The following FBXO9 variants were observed in gnomAD, a reference collection of about 807,000 sequenced individuals.
FBXO9 encodes the protein F-box protein 9.
Under a neutral mutation model 63.7 loss-of-function variants are expected in FBXO9, and 43 were observed. The observed-to-expected ratio is 0.67, with a 90% CI of 0.53 to 0.87. FBXO9 has a LOEUF of 0.87. Among genes scored for constraint, FBXO9 ranks in the 40% least tolerant of loss-of-function variants. The probability of loss-of-function intolerance (pLI) is 0.00; values close to 1 mark genes in which losing one functional copy is unlikely to be tolerated. For synonymous variants in FBXO9, 156 were observed against 171.7 expected (o/e 0.91, Z 0.72); for missense variants, 442 against 533.2 (o/e 0.83, Z 1.68).
chr6:53,089,428 T>G (rs1455840902), intron 7 of FBXO9, among the ~76,000 whole-genome samples: 1 of 152,168 alleles, frequency 6.6e-6, no homozygotes, highest in African/African-American at 2.4e-5. Flanking sequence ...GAATCTTTAT[T>G]TTTGCTTATG....
rs1562074207 is a variant in FBXO9 at position 53,092,539 on chromosome 6, G to A, written c.764G>A (p.Arg255Gln). ...ATGTTTTTAGAACGGCCTCGTGTTCGGTTTGATGGTAAGTTGGATTCTGTA... is the reference window on the plus strand; with the variant it reads ...ATGTTTTTAGAACGGCCTCGTGTTCAGTTTGATGGTAAGTTGGATTCTGTA... ...REMFLERPRV[R>Q]FDGVYISKTT... Residue 255 changes from arginine to glutamine, a missense_variant, in exon 8 of 13, where the codon CGG becomes CAG. By Grantham distance (43) the Arg-to-Gln change is conservative (BLOSUM62 1). Transcript: ENST00000323557. The A allele has an allele frequency of 1.2e-6, 2 of 1,612,162 alleles. No homozygotes were observed. Among genetic ancestry groups the A allele is most frequent in the Admixed American group, 1.7e-5 (1 of 59,982 alleles).
intron 12 of FBXO9, among the ~76,000 whole-genome samples, chr6:53,096,361 T>C (rs1763209924): frequency 1.3e-5 from 2 of 152,206 alleles, no homozygotes; most frequent in Non-Finnish European, 2.9e-5. Context: ...GACTGAAGGC[T>C]CTTCGTTCTG....
intron 1 of FBXO9, among the ~76,000 whole-genome samples, chr6:53,069,529 A>G (rs1468861976): frequency 6.6e-6 from 1 of 152,240 alleles, no homozygotes; most frequent in Non-Finnish European, 1.5e-5. Flanking sequence ...CAGTCTTGCA[A>G]AAGAAAAAAG....
At chr6:53,068,678 G>C (rs1288839366) in intron 1 of FBXO9, among the ~76,000 whole-genome samples, 1 of 142,846 alleles carries the variant, frequency 7.0e-6, no homozygotes, top group Non-Finnish European at 1.5e-5. Flanking sequence ...TTTGAGACAG[G>C]GTCTCTCTCT....
At chr6:53,069,297 A>G (rs1208585355) in intron 1 of FBXO9, among the ~76,000 whole-genome samples, 1 of 152,244 alleles carries the variant, frequency 6.6e-6, no homozygotes, top group Non-Finnish European at 1.5e-5. Flanking sequence ...CATTAAACTT[A>G]CCTGTGAAGA....
Position 53,082,070 on chromosome 6 carries a change from A to C in FBXO9, c.539-434A>C, listed in dbSNP as rs965440414. ...GGCAACAGAGCAAGAACCTGTCACAAAAAAAAAAGAAATTCATGTATTTTT... is the reference window on the plus strand; with the variant it reads ...GGCAACAGAGCAAGAACCTGTCACACAAAAAAAAGAAATTCATGTATTTTT... On this transcript the variant is annotated intron_variant, in intron 6 of 12. Coordinates refer to ENST00000323557, the MANE Select transcript of FBXO9 (RefSeq NM_033480.3). Among the ~76,000 whole-genome samples, 6 of 151,350 alleles carry C rather than the reference A, an allele frequency of 4.0e-5. No individual in the cohort carries two copies. The South Asian group carries it at 8.4e-4, about 21-fold the overall frequency.
chr6:53,071,440 C>A (rs1768912332), intron 2 of FBXO9, among the ~76,000 whole-genome samples: 2 of 152,032 alleles, frequency 1.3e-5, no homozygotes, highest in South Asian at 2.1e-4. Context: ...AAGTTTAAAA[C>A]CTGTGTATAA....
intron 4 of FBXO9, among the ~76,000 whole-genome samples, chr6:53,077,427 C>G (rs1769153958): frequency 7.3e-6 from 1 of 137,164 alleles, no homozygotes; most frequent in Non-Finnish European, 1.5e-5. Context: ...GAGCCGAGAT[C>G]CCGCCACTGC....
Position 53,097,926 on chromosome 6 carries a change from GTATATATATATATATATATATATA to G in FBXO9, c.*122_*145del, listed in dbSNP as rs57607929. 2.0e-3 allele frequency: 177 copies of G among 88,486 alleles called. 4 individuals carry two copies. The highest frequency in any genetic ancestry group is 5.5e-3 in the Middle Eastern group (1 of 182). The allele number at this position is 88,486 out of a possible 1,614,324, so 5.5% of individuals were successfully genotyped here. On this transcript the variant is annotated 3_prime_UTR_variant, in exon 13 of 13. Transcript: ENST00000323557. ...TAAATGTGTGTGTGTGCGTGTGTGT[GTATATATATATATATATATATATA>G]TATATATATATATATATATATATAT...
Position 53,098,226 on chromosome 6 carries a change from C to T in FBXO9, c.*396C>T. 3.1e-6 allele frequency: 1 copy of T among 326,268 alleles called. No individual in the cohort carries two copies. The highest frequency in any genetic ancestry group is 6.6e-6 in the Non-Finnish European group (1 of 152,260). The allele number at this position is 326,268 out of a possible 1,614,324, so 20.2% of individuals were successfully genotyped here. A position where few individuals can be genotyped will look rare whatever the true frequency, so the allele number is the denominator to read the frequency against. On this transcript the variant is annotated 3_prime_UTR_variant, in exon 13 of 13. Transcript: ENST00000323557. ...TGAGTATCCTAATATTTCAATGCATCAGGGGAGCGCTCCACTGGATAAGCA... is the reference window on the plus strand; with the variant it reads ...TGAGTATCCTAATATTTCAATGCATTAGGGGAGCGCTCCACTGGATAAGCA...
chr6:53,071,290 T>C, intron 2 of FBXO9, 147 bp downstream of exon 2: 1 of 739,874 alleles, frequency 1.4e-6, no homozygotes, highest in Non-Finnish European at 2.1e-6. Context: ...TACTTAAAAC[T>C]ATGTTATGGC....
At chr6:53,081,334 C>T (rs1037491451) in intron 6 of FBXO9, among the ~76,000 whole-genome samples, 15 of 152,252 alleles carry the variant, frequency 9.9e-5, no homozygotes, top group African/African-American at 3.4e-4. Flanking sequence ...TGCAGTGGTG[C>T]AATCTCGGCT....
At position 53,098,220 on chromosome 6, in the gene FBXO9, A is replaced by G. The variant is rs558843153; in HGVS notation, c.*390A>G. On this transcript the variant is annotated 3_prime_UTR_variant, in exon 13 of 13. Transcript: ENST00000323557. ...TCTGCTTGAGTATCCTAATATTTCA[A>G]TGCATCAGGGGAGCGCTCCACTGGA... 312 of 345,684 alleles carry G rather than the reference A, an allele frequency of 9.0e-4. No homozygotes were observed. Among genetic ancestry groups the G allele is most frequent in the African/African-American group, 1.9e-3 (90 of 46,334 alleles). The allele number at this position is 345,684 out of a possible 1,614,324, so 21.4% of individuals were successfully genotyped here.
At chr6:53,070,778 G>T (rs980321008) in intron 1 of FBXO9, 4 of 384,850 alleles carry the variant, frequency 1.0e-5, no homozygotes, top group African/African-American at 8.0e-5. Flanking sequence ...TTTTTGGATG[G>T]ATGCAACTGA....
In FBXO9 at chr6:53,098,939, C is replaced by T. The variant is rs1050426866; in HGVS notation, c.*1109C>T. The T allele has an allele frequency of 6.6e-6, 1 of 152,206 alleles. No homozygotes were observed. Among genetic ancestry groups the T allele is most frequent in the African/African-American group, 2.4e-5 (1 of 41,436 alleles). The allele number at this position is 152,206 out of a possible 1,614,324, so 9.4% of individuals were successfully genotyped here. On this transcript the variant is annotated 3_prime_UTR_variant, in exon 13 of 13. Transcript: ENST00000323557. ...AGAGTTTGTGTCTGGTAGACCTCTA[C>T]CTGATTCAGATTTGGTTTTGTTGTT...
At chr6:53,072,257 C>A (rs1768946972) in intron 2 of FBXO9, among the ~76,000 whole-genome samples, 1 of 151,708 alleles carries the variant, frequency 6.6e-6, no homozygotes, top group Non-Finnish European at 1.5e-5. Flanking sequence ...ACATATGCAT[C>A]CCTGTTAGCA....
intron 3 of FBXO9, among the ~76,000 whole-genome samples, chr6:53,075,686 G>C (rs222443): frequency 0.74 from 105,590 of 143,594 alleles, 39,679 homozygotes; most frequent in South Asian, 0.87. Flanking sequence ...TTCTCTCTCT[G>C]AAATATCTGT....
intron 7 of FBXO9, among the ~76,000 whole-genome samples, chr6:53,086,758 C>T (rs6905529): frequency 2.0e-3 from 306 of 152,248 alleles, no homozygotes; most frequent in African/African-American, 7.1e-3. Context: ...AAACATTGCT[C>T]TTCTAGACCT....
At position 53,098,235 on chromosome 6, in the gene FBXO9, G is replaced by A. The variant is rs186480220; in HGVS notation, c.*405G>A. 17 of 305,108 alleles carry A rather than the reference G, an allele frequency of 5.6e-5. No homozygotes were observed. The highest frequency in any genetic ancestry group is 2.9e-4 in the South Asian group (11 of 37,390). 18.9% of individuals were successfully genotyped at this position (305,108 alleles called of 1,614,324 possible). A position where few individuals can be genotyped will look rare whatever the true frequency, so the allele number is the denominator to read the frequency against. Reference sequence around the variant, plus strand: ...TAATATTTCAATGCATCAGGGGAGCGCTCCACTGGATAAGCATTTTATTTC... The same window carrying A: ...TAATATTTCAATGCATCAGGGGAGCACTCCACTGGATAAGCATTTTATTTC... On this transcript the variant is annotated 3_prime_UTR_variant, in exon 13 of 13. Transcript: ENST00000323557.
Sources: allele counts gnomAD v4.1 joint callset (sites outside exome capture counted in the v4.1 genomes callset), GRCh38; gene constraint gnomAD v4.1.1; transcripts MANE v1.5; gene names NCBI Gene and HGNC (gene_info 2026-07-23, HGNC 2026-07-21).